The following GFM2 variants were observed in gnomAD, a reference collection of about 807,000 sequenced individuals.
GFM2 encodes GTP dependent ribosome recycling factor mitochondrial 2, also known as ribosome-releasing factor 2, mitochondrial.
A neutral mutation model predicts 95.4 loss-of-function variants in GFM2; 72 were observed. That is an observed-to-expected ratio of 0.76 (90% CI 0.62 to 0.92). The LOEUF (loss-of-function observed/expected upper bound fraction) is 0.92. GFM2 is among the 40% of genes least tolerant of loss of function. The pLI is 0.00. For synonymous variants in GFM2, 276 were observed against 317.5 expected (o/e 0.87, Z 1.39); for missense variants, 825 against 924.1 (o/e 0.89, Z 1.39).
Position 74,745,840 on chromosome 5 carries a change from G to T in GFM2, c.687C>A (p.Ala229=). The change falls in exon 10 of 21, where the codon GCC becomes GCA. Residue 229 remains alanine, a synonymous_variant. Transcript: ENST00000296805. ...PLLLQLPIGE[A]KTFKGVVDVV... ...CATCCACCACTCCTTTGAAAGTTTT[G>T]GCTTCACCAATTGGTAACTGTAAGT... 6.2e-7 allele frequency: 1 copy of T among 1,611,164 alleles called. No individual in the cohort carries two copies. The highest frequency in any genetic ancestry group is 8.5e-7 in the Non-Finnish European group (1 of 1,179,424).
intron 7 of GFM2, among the ~76,000 whole-genome samples, chr5:74,748,909 TAAA>T (rs759323836): frequency 0.019 from 2,103 of 112,556 alleles, 40 homozygotes; most frequent in African/African-American, 0.057. Context: ...TAAAATAAAA[TAAA>T]AAAATAAAAA....
intron 17 of GFM2, 47 bp downstream of exon 17, chr5:74,730,213 A>C (rs182698639): frequency 4.9e-5 from 76 of 1,546,218 alleles, no homozygotes; most frequent in Middle Eastern, 1.7e-4. Context: ...TAGAGAAAGA[A>C]AGACAGAAAG....
intron 5 of GFM2, among the ~76,000 whole-genome samples, chr5:74,752,927 C>T (rs1743790840): frequency 6.6e-6 from 1 of 152,150 alleles, no homozygotes; most frequent in African/African-American, 2.4e-5. Context: ...AGTGCCAGAT[C>T]TTCACTCTGA....
At chr5:74,754,321 A>C (rs1743868615) in intron 5 of GFM2, among the ~76,000 whole-genome samples, 1 of 146,562 alleles carries the variant, frequency 6.8e-6, no homozygotes, top group South Asian at 2.1e-4. Flanking sequence ...AAAAAAAAAA[A>C]CAAGGTATTC....
chr5:74,738,038 A>G lies in GFM2; in HGVS notation c.1320+280T>C, dbSNP rs10462508. Among the ~76,000 whole-genome samples the G allele has an allele frequency of 4.4e-3, 665 of 152,228 alleles. 37 individuals are homozygous for G. In the East Asian group the frequency reaches 0.11, roughly 26 times the overall value. On this transcript the variant is annotated intron_variant, in intron 14 of 20. Transcript: ENST00000296805. ...AATATTTTATATAAACTTAAAACAC[A>G]CATATATGTATATACATATATATCC...
At chr5:74,748,641 G>A (rs998870013) in intron 7 of GFM2, among the ~76,000 whole-genome samples, 6 of 152,074 alleles carry the variant, frequency 3.9e-5, no homozygotes, top group African/African-American at 1.4e-4. Flanking sequence ...GAGGCAGGTG[G>A]ATCACTTGAG....
At chr5:74,743,233 CTT>C (rs1299551069) in intron 10 of GFM2, among the ~76,000 whole-genome samples, 3 of 152,240 alleles carry the variant, frequency 2.0e-5, no homozygotes, top group South Asian at 2.1e-4. Flanking sequence ...GCAAATATCT[CTT>C]TGAGACTCTT....
rs79550661 is a variant in GFM2 at position 74,754,955 on chromosome 5, G to A, written c.305-3462C>T. Among the ~76,000 whole-genome samples, 16 of 152,132 alleles carry A rather than the reference G, an allele frequency of 1.1e-4. No homozygotes were observed. In the East Asian group the frequency reaches 3.1e-3, roughly 29 times the overall value. ...ACATAAAAATACAAAAATTAGCCGG[G>A]CATGATGGTGGGCACCTATAATCCC... On this transcript the variant is annotated intron_variant, in intron 5 of 20. Transcript: ENST00000296805.
chr5:74,737,956 T>A (rs1742914176), intron 14 of GFM2, among the ~76,000 whole-genome samples: 1 of 152,042 alleles, frequency 6.6e-6, no homozygotes, highest in South Asian at 2.1e-4. Flanking sequence ...CAGTTATAAG[T>A]CTAGGTTAAA....
intron 2 of GFM2, among the ~76,000 whole-genome samples, chr5:74,761,295 G>C (rs760905442): frequency 2.6e-5 from 4 of 152,198 alleles, no homozygotes; most frequent in Non-Finnish European, 5.9e-5. Flanking sequence ...ATCCAGACAA[G>C]AGAATCAGAA....
intron 17 of GFM2, among the ~76,000 whole-genome samples, chr5:74,727,431 T>G (rs1043765452): frequency 9.2e-5 from 14 of 152,222 alleles, no homozygotes; most frequent in African/African-American, 3.4e-4. Context: ...GCAACTTTTT[T>G]GTTCTATGTG....
chr5:74,736,474 G>C (rs982119207), intron 15 of GFM2: 4 of 984,928 alleles, frequency 4.1e-6, no homozygotes, highest in Admixed American at 6.2e-5. Flanking sequence ...AACTGAATTG[G>C]TTATGAATCA....
chr5:74,760,437 A>G (rs940389173), intron 3 of GFM2, among the ~76,000 whole-genome samples: 11 of 152,164 alleles, frequency 7.2e-5, no homozygotes, highest in African/African-American at 2.2e-4. Flanking sequence ...GACATTCAAA[A>G]GTAAGTCAAC....
In GFM2 at chr5:74,738,409, A is replaced by T. The variant is rs863224037; in HGVS notation, c.1229T>A (p.Ile410Lys). Residue 410 changes from isoleucine (I) to lysine (K), a missense_variant, in exon 14 of 21, where the codon ATA becomes AAA. Transcript: ENST00000296805. ...HNINGNCTERISRLLLPFADQ... is the reference protein window; with the variant it reads ...HNINGNCTERKSRLLLPFADQ... ...AGCAAACGGCAAAAGCAGACGACTT[A>T]TTCTCTCCCTGTAAAATCACAATTT... The T allele has an allele frequency of 8.7e-6, 14 of 1,613,264 alleles. No homozygotes were observed. The highest frequency in any genetic ancestry group is 1.1e-5 in the Non-Finnish European group (13 of 1,179,572).
Position 74,758,907 on chromosome 5 carries a change from G to T in GFM2, c.246C>A (p.Gly82=), listed in dbSNP as rs201064380. ...ATATTCTTTCTGTGGTGGTAGTTTT[G>T]CCTGCATCAATATGAGCCATAATTC... ...NIGIMAHIDA[G]KTTTTERILY... The change falls in exon 5 of 21, where the codon GGC becomes GGA. Residue 82 remains glycine (G), a synonymous_variant. Coordinates refer to ENST00000296805, the MANE Select transcript of GFM2 (RefSeq NM_032380.5). The T allele has an allele frequency of 6.2e-7, 1 of 1,609,394 alleles. No homozygotes were observed. Among genetic ancestry groups the T allele is most frequent in the Non-Finnish European group, 8.5e-7 (1 of 1,175,898 alleles).
chr5:74,721,699 G>A lies in GFM2; in HGVS notation c.2296C>T (p.Gln766Ter), dbSNP rs1407085233. 7 of 1,613,662 alleles carry A rather than the reference G, an allele frequency of 4.3e-6. No homozygotes were observed. The highest frequency in any genetic ancestry group is 5.9e-6 in the Non-Finnish European group (7 of 1,179,896). Residue 766 changes from glutamine to a stop codon, truncating the protein, a stop_gained, in exon 21 of 21, where the codon CAA becomes TAA. Transcript: ENST00000296805. LOFTEE classifies it high-confidence loss of function. ...CGGTTGAGCAGTGTATTTTGATCTT[G>A]AGGATTCATGGCTTGATAAGTAGAT... ...ELSTYQAMNP[Q>*]DQNTLLNRRS...
intron 2 of GFM2, among the ~76,000 whole-genome samples, chr5:74,763,315 T>C (rs753607252): frequency 2.4e-4 from 36 of 152,140 alleles, no homozygotes; most frequent in Non-Finnish European, 4.3e-4. Flanking sequence ...TTCATAAGAG[T>C]CTCAATCCAT....
chr5:74,725,691 A>G lies in GFM2; in HGVS notation c.1977T>C (p.Pro659=). 6.2e-7 allele frequency: 1 copy of G among 1,613,978 alleles called. No individual in the cohort carries two copies. The highest frequency in any genetic ancestry group is 8.5e-7 in the Non-Finnish European group (1 of 1,179,912). The change falls in exon 19 of 21, where the codon CCT becomes CCC. Residue 659 remains proline, a synonymous_variant. Transcript: ENST00000296805. ...AITLHSLTIH[P]GTSTTMISAC... ...CAGAAATCATAGTTGTGGAGGTGCC[A>G]GGATGAATTGTCAGGGAATGTAAAG...
Position 74,721,500 on chromosome 5 carries a change from T to A in GFM2, c.*155A>T. On this transcript the variant is annotated 3_prime_UTR_variant, in exon 21 of 21. Coordinates refer to ENST00000296805, the MANE Select transcript of GFM2 (RefSeq NM_032380.5). ...TATAAATTAAAACGGGTGGCTCCAG[T>A]GCCACTATCAAAGCTTAAGTTATAT... 1 of 857,142 alleles carries A rather than the reference T, an allele frequency of 1.2e-6. No individual in the cohort carries two copies. The highest frequency in any genetic ancestry group is 1.7e-5 in the African/African-American group (1 of 58,770). 53.1% of individuals were successfully genotyped at this position (857,142 alleles called of 1,614,324 possible).
Sources: gnomAD v4.1 joint callset for allele counts (sites outside exome capture counted in the v4.1 genomes callset) on GRCh38, gnomAD v4.1.1 for gene constraint, MANE v1.5 for transcripts, NCBI Gene and HGNC (gene_info 2026-07-23, HGNC 2026-07-21) for gene names.